The following PHF20L1 variants were observed in gnomAD, a reference collection of about 807,000 sequenced individuals.
The protein encoded by PHF20L1 is PHD finger protein 20 like 1, also known as PHD finger protein 20-like protein 1.
Under a neutral mutation model 125.5 loss-of-function variants are expected in PHF20L1, and 44 were observed. The observed-to-expected ratio is 0.35, with a 90% CI of 0.28 to 0.45. PHF20L1 has a LOEUF of 0.45. Among genes scored for constraint, PHF20L1 ranks in the 20% least tolerant of loss-of-function variants. The pLI is 1.00. For synonymous variants in PHF20L1, 380 were observed against 403.1 expected, an observed-to-expected ratio of 0.94 and a Z score of 0.69; for missense variants, 1,012 against 1,217.2, an observed-to-expected ratio of 0.83 and a Z score of 2.51.
intron 16 of PHF20L1, among the ~76,000 whole-genome samples, chr8:132,837,494 A>G (rs1837493088): frequency 6.6e-6 from 1 of 152,184 alleles, no homozygotes; most frequent in African/African-American, 2.4e-5. Flanking sequence ...AGCATATTCT[A>G]ATAGGTGCAA....
At chr8:132,832,034 A>G (rs1297780120) in intron 14 of PHF20L1, among the ~76,000 whole-genome samples, 2 of 152,060 alleles carry the variant, frequency 1.3e-5, no homozygotes, top group Non-Finnish European at 2.9e-5. Flanking sequence ...TACTATGTAT[A>G]TATTGTCTGG....
chr8:132,812,930 A>T, intron 9 of PHF20L1: 1 of 961,950 alleles, frequency 1.0e-6, no homozygotes, highest in Non-Finnish European at 1.2e-6. Flanking sequence ...CCCAATTCTC[A>T]GCTTATTAAT....
At chr8:132,779,383 A>G (rs1359676763) in intron 2 of PHF20L1, among the ~76,000 whole-genome samples, 3 of 152,202 alleles carry the variant, frequency 2.0e-5, no homozygotes, top group Non-Finnish European at 4.4e-5. Context: ...TTGAGGCAGC[A>G]CTTGTCTATC....
intron 14 of PHF20L1, among the ~76,000 whole-genome samples, chr8:132,828,527 G>A (rs1836440203): frequency 6.6e-6 from 1 of 151,898 alleles, no homozygotes; most frequent in South Asian, 2.1e-4. Context: ...TGTTTTTATT[G>A]GCATACTAAG....
chr8:132,825,218 CT>C (rs1836037457), intron 13 of PHF20L1, 45 bp from the exon 14 acceptor site: 1 of 1,588,962 alleles, frequency 6.3e-7, no homozygotes, highest in Admixed American at 1.7e-5. Flanking sequence ...AAAGGAACAA[CT>C]CAGGATCAGT....
chr8:132,832,621 G>T (rs911415606), intron 15 of PHF20L1, among the ~76,000 whole-genome samples: 8 of 151,992 alleles, frequency 5.3e-5, no homozygotes, highest in Non-Finnish European at 8.8e-5. Context: ...TATTACTAGT[G>T]TATATACTTC....
rs746929679 is a variant in PHF20L1 at position 132,805,060 on chromosome 8, A to G, written c.847+320A>G. Among the ~76,000 whole-genome samples the G allele has an allele frequency of 7.9e-5, 12 of 152,056 alleles. No homozygotes were observed. In the East Asian group the frequency reaches 2.3e-3, roughly 29 times the overall value. ...AGTTTCTAGAAGAATTATTTTGTCAACTTACGGTGACACAGTTTCTCAGAT... is the reference window on the plus strand; with the variant it reads ...AGTTTCTAGAAGAATTATTTTGTCAGCTTACGGTGACACAGTTTCTCAGAT... On this transcript the variant is annotated intron_variant, in intron 8 of 20. Transcript: ENST00000395386.
chr8:132,825,769 A>G (rs1193397000), intron 14 of PHF20L1, among the ~76,000 whole-genome samples: 1 of 152,096 alleles, frequency 6.6e-6, no homozygotes, highest in Non-Finnish European at 1.5e-5. Flanking sequence ...AGAATTTGGT[A>G]TCAGCAAAGG....
rs762195108 is a variant in PHF20L1, at chr8:132,817,631, A to C, written c.1579+86A>C. On this transcript the variant is annotated intron_variant, in intron 12 of 20. Coordinates refer to ENST00000395386, the MANE Select transcript of PHF20L1 (RefSeq NM_016018.5). ...GGTATAAACATTTTGAGGTTTAACT[A>C]CATTATTTTGATTCCTATATAATTC... The C allele has an allele frequency of 2.4e-6, 2 of 842,968 alleles. 1 individual carries two copies. Among genetic ancestry groups the C allele is most frequent in the South Asian group, 3.3e-5 (2 of 59,964 alleles). 52.2% of individuals were successfully genotyped at this position (842,968 alleles called of 1,614,324 possible).
intron 13 of PHF20L1, 106 bp downstream of exon 13, chr8:132,824,166 A>T: frequency 1.5e-6 from 1 of 666,132 alleles, no homozygotes; most frequent in Non-Finnish European, 2.6e-6. Context: ...CTTAGGTGTA[A>T]GTGATCATCT....
chr8:132,821,890 C>CA (rs1433808795), intron 12 of PHF20L1, among the ~76,000 whole-genome samples: 1 of 151,846 alleles, frequency 6.6e-6, no homozygotes, highest in Non-Finnish European at 1.5e-5. Flanking sequence ...TACTATTCTA[C>CA]AAACTAATGT....
intron 19 of PHF20L1, chr8:132,843,546 T>G (rs1301568548): frequency 1.0e-6 from 1 of 985,078 alleles, no homozygotes; most frequent in Non-Finnish European, 1.2e-6. Context: ...GGTAAGTTAT[T>G]TTGTTTAATT....
chr8:132,782,311 A>G (rs1023999644), intron 2 of PHF20L1, among the ~76,000 whole-genome samples: 1 of 152,224 alleles, frequency 6.6e-6, no homozygotes, highest in Admixed American at 6.5e-5. Context: ...TTTTCTTAGC[A>G]GTAAAATGGA....
rs1836863835 is a variant in PHF20L1 at position 132,832,313 on chromosome 8, C to G, written c.1823C>G (p.Ser608Cys). The change falls in exon 15 of 21, where the codon TCT (serine) becomes TGT (cysteine). Residue 608 changes from serine (S) to cysteine (C), a missense_variant. Coordinates refer to ENST00000395386, the MANE Select transcript of PHF20L1 (RefSeq NM_016018.5). Reference protein sequence around the residue: ...SSPLTRSSGSSLASRSMFTEK... With the variant: ...SSPLTRSSGSCLASRSMFTEK... ...CCACTAACTCGATCTTCTGGGAGTT[C>G]TCTGGCTTCACGAAGCATGTTTACG... The G allele has an allele frequency of 6.2e-7, 1 of 1,609,398 alleles. No individual in the cohort carries two copies.
intron 2 of PHF20L1, among the ~76,000 whole-genome samples, chr8:132,781,482 G>GGCTCACTGCAACCTCC: frequency 6.6e-6 from 1 of 152,050 alleles, no homozygotes; most frequent in South Asian, 2.1e-4. Context: ...GCGCAATCTT[G>GGCTCACTGCAACCTCC]GCTCACTGCA....
In PHF20L1 at chr8:132,794,900, T is replaced by G. The variant is rs958253013; in HGVS notation, c.340+83T>G. On this transcript the variant is annotated intron_variant, in intron 4 of 20. Transcript: ENST00000395386. ...ATTTTAAATTTTAATTAGTGTGTGT[T>G]ATGTAATCATTACGTATAACTTTTA... 12 of 815,522 alleles carry G rather than the reference T, an allele frequency of 1.5e-5. No individual in the cohort carries two copies. In the Admixed American group the frequency reaches 1.9e-4, roughly 13 times the overall value. 50.5% of individuals were successfully genotyped at this position (815,522 alleles called of 1,614,324 possible). A position where few individuals can be genotyped will look rare whatever the true frequency, so the allele number is the denominator to read the frequency against.
chr8:132,804,793 A>G, intron 8 of PHF20L1, 53 bp downstream of exon 8: 1 of 1,440,168 alleles, frequency 6.9e-7, no homozygotes, highest in Non-Finnish European at 9.5e-7. Context: ...GTTTAATTTT[A>G]GAGTAATTTA....
At chr8:132,807,953 C>G (rs1247093743) in intron 8 of PHF20L1, 1 of 223,756 alleles carries the variant, frequency 4.5e-6, no homozygotes, top group Non-Finnish European at 9.0e-6. Context: ...CTTATAATTT[C>G]CTTTCAGTTA....
Position 132,817,343 on chromosome 8 carries a change from T to G in PHF20L1, c.1377T>G (p.Pro459=). 6.2e-7 allele frequency: 1 copy of G among 1,610,822 alleles called. No individual in the cohort carries two copies. The highest frequency in any genetic ancestry group is 1.1e-5 in the South Asian group (1 of 91,016). ...TACACTCTTTATTTTGTGTAGTGCC[T>G]GATGTTGCACATTTGCCACTTGAGA... is the stretch of plus-strand genomic sequence containing the variant. ...NQQESSVPEV[P]DVAHLPLEKL... Residue 459 remains proline (P), a synonymous_variant, in exon 12 of 21, where the codon CCT becomes CCG. Coordinates refer to ENST00000395386, the MANE Select transcript of PHF20L1 (RefSeq NM_016018.5).
Sources: allele counts gnomAD v4.1 joint callset (sites outside exome capture counted in the v4.1 genomes callset), GRCh38; gene constraint gnomAD v4.1.1; transcripts MANE v1.5; gene names NCBI Gene and HGNC (gene_info 2026-07-23, HGNC 2026-07-21).